PTPRD: variants seen among roughly 807,000 people sequenced by gnomAD.
PTPRD encodes protein tyrosine phosphatase receptor type D, also known as receptor-type tyrosine-protein phosphatase delta.
A neutral mutation model predicts 214.5 loss-of-function variants in PTPRD; 34 were observed. The ratio of observed to expected loss-of-function variants is 0.16; its 90% CI spans 0.12 to 0.21. The LOEUF (loss-of-function observed/expected upper bound fraction) is 0.21. Ranked by LOEUF, PTPRD falls within the 10% of genes least tolerant of loss-of-function variation. The pLI is 1.00. For missense variants in PTPRD, 2,545 were observed against 2,398.7 expected (o/e 1.06, Z -1.27); for synonymous variants, 1,128 against 845.7 (o/e 1.33, Z -5.79).
At chr9:9,958,550 A>T (rs1197107290) in intron 4 of PTPRD, among the ~76,000 whole-genome samples, 1 of 152,164 alleles carries the variant, frequency 6.6e-6, no homozygotes, top group East Asian at 1.9e-4. Flanking sequence ...CAACAACAGC[A>T]ACAAAACAAA....
At chr9:8,911,415 T>TGTGTTGTGTGTGTGTGTG (rs1555510111) in intron 11 of PTPRD, among the ~76,000 whole-genome samples, 15 of 127,726 alleles carry the variant, frequency 1.2e-4, no homozygotes, top group Admixed American at 7.8e-4. Context: ...TGTGTGTGTG[T>TGTGTTGTGTGTGTGTGTG]TGTGTGTGTG....
chr9:9,459,612 A>G, intron 8 of PTPRD, among the ~76,000 whole-genome samples: 1 of 152,128 alleles, frequency 6.6e-6, no homozygotes, highest in East Asian at 1.9e-4. Context: ...AACAGCCACA[A>G]AAATACCTAG....
At chr9:8,961,353 A>G (rs575791993) in intron 11 of PTPRD, among the ~76,000 whole-genome samples, 5 of 152,276 alleles carry the variant, frequency 3.3e-5, no homozygotes, top group African/African-American at 1.2e-4. Context: ...GAGGTCTTAC[A>G]TTCTTTCCCC....
intron 7 of PTPRD, among the ~76,000 whole-genome samples, chr9:9,583,478 A>T (rs1485762652): frequency 2.6e-5 from 4 of 152,086 alleles, no homozygotes; most frequent in East Asian, 3.9e-4. Flanking sequence ...CATGAATGAC[A>T]TTGTCATAAT....
intron 2 of PTPRD, among the ~76,000 whole-genome samples, chr9:10,425,083 T>C (rs2098599979): frequency 6.6e-6 from 1 of 152,028 alleles, no homozygotes; most frequent in African/African-American, 2.4e-5. Flanking sequence ...TTCAGAACAA[T>C]ATAAAAAGAA....
chr9:9,305,782 G>A (rs1956943874), intron 9 of PTPRD, among the ~76,000 whole-genome samples: 1 of 152,134 alleles, frequency 6.6e-6, no homozygotes, highest in South Asian at 2.1e-4. Flanking sequence ...AAGGCCATGT[G>A]GTTGTCATGT....
chr9:9,552,711 G>C (rs2080602517), intron 8 of PTPRD, among the ~76,000 whole-genome samples: 2 of 152,038 alleles, frequency 1.3e-5, no homozygotes, highest in Non-Finnish European at 2.9e-5. Context: ...TTAGTGACTG[G>C]GAAGACTTTA....
intron 3 of PTPRD, among the ~76,000 whole-genome samples, chr9:10,094,756 T>A (rs1456207810): frequency 6.6e-6 from 1 of 151,392 alleles, no homozygotes; most frequent in East Asian, 1.9e-4. Context: ...AAAATACTGC[T>A]GTGATGACAG....
chr9:9,697,916 G>A (rs896384483), intron 7 of PTPRD, among the ~76,000 whole-genome samples: 1 of 151,930 alleles, frequency 6.6e-6, no homozygotes, highest in Non-Finnish European at 1.5e-5. Flanking sequence ...TCCTCTACTT[G>A]ATCCATTCTG....
At chr9:8,735,762 A>G (rs1045199831) in intron 11 of PTPRD, among the ~76,000 whole-genome samples, 1 of 152,020 alleles carries the variant, frequency 6.6e-6, no homozygotes, top group Admixed American at 6.6e-5. Context: ...ACACAAAAAA[A>G]TTAGCCAGGC....
At position 8,376,730 on chromosome 9, in the gene PTPRD, C is replaced by A; in HGVS notation, c.4387-4G>T. ...GCCAATACTGGTCACACTTCACCTACAAGAAACAAGTGACACATTCAGGGC... is the reference window on the plus strand; with the variant it reads ...GCCAATACTGGTCACACTTCACCTAAAAGAAACAAGTGACACATTCAGGGC... On this transcript the variant is annotated splice_region_variant and splice_polypyrimidine_tract_variant and intron_variant, in intron 37 of 45. Transcript: ENST00000381196. The A allele has an allele frequency of 1.9e-6, 3 of 1,612,578 alleles. No individual in the cohort carries two copies. The highest frequency in any genetic ancestry group is 1.7e-6 in the Non-Finnish European group (2 of 1,179,090).
At chr9:9,979,194 G>C (rs964105896) in intron 4 of PTPRD, among the ~76,000 whole-genome samples, 6 of 151,952 alleles carry the variant, frequency 3.9e-5, no homozygotes, top group African/African-American at 1.4e-4. Context: ...TACAAAGAAA[G>C]AGTGTCAAAA....
At chr9:9,591,377 A>C (rs763979530) in intron 7 of PTPRD, among the ~76,000 whole-genome samples, 6 of 152,014 alleles carry the variant, frequency 3.9e-5, no homozygotes, top group Non-Finnish European at 8.8e-5. Context: ...GATTAAGGCC[A>C]GCAAACTGTG....
chr9:9,115,869 A>G (rs540956469), intron 10 of PTPRD, among the ~76,000 whole-genome samples: 2 of 152,310 alleles, frequency 1.3e-5, no homozygotes, highest in East Asian at 1.9e-4. Flanking sequence ...GTATATACCC[A>G]TCATGGAATA....
chr9:9,113,016 G>A (rs1038779270), intron 10 of PTPRD, among the ~76,000 whole-genome samples: 1 of 150,354 alleles, frequency 6.7e-6, no homozygotes, highest in Non-Finnish European at 1.5e-5. Context: ...CTAGGCTTCA[G>A]TGCAGGGGCT....
At chr9:9,200,639 G>A (rs759467780) in intron 9 of PTPRD, among the ~76,000 whole-genome samples, 4 of 152,116 alleles carry the variant, frequency 2.6e-5, no homozygotes, top group Non-Finnish European at 5.9e-5. Context: ...TTTTCATTAC[G>A]CCACTCAGCA....
Position 8,315,990 on chromosome 9 carries a change from C to G in PTPRD, c.*1884G>C. ...TTTTAGAAAAATCCTAATGGAATAT[C>G]AAATATATTCCAAAGTTGCCAATGA... On this transcript the variant is annotated 3_prime_UTR_variant, in exon 46 of 46. Coordinates refer to ENST00000381196, the MANE Select transcript of PTPRD (RefSeq NM_002839.4). 4.4e-6 allele frequency: 1 copy of G among 227,312 alleles called. No individual in the cohort carries two copies. Among genetic ancestry groups the G allele is most frequent in the East Asian group, 6.4e-5 (1 of 15,702 alleles). The allele number at this position is 227,312 out of a possible 1,614,324, so 14.1% of individuals were successfully genotyped here.
chr9:9,799,201 A>G (rs10977992), intron 5 of PTPRD, among the ~76,000 whole-genome samples: 2,322 of 152,306 alleles, frequency 0.015, 31 homozygotes, highest in Middle Eastern at 0.044. Context: ...AGTCAGGTTG[A>G]AGAGCACATT....
intron 30 of PTPRD, among the ~76,000 whole-genome samples, chr9:8,478,088 T>A (rs1368286271): frequency 6.6e-6 from 1 of 152,228 alleles, no homozygotes; most frequent in Non-Finnish European, 1.5e-5. Flanking sequence ...ATTAGCTGTA[T>A]GATCTTGGCC....
Sources: allele counts gnomAD v4.1 joint callset (sites outside exome capture counted in the v4.1 genomes callset), GRCh38; gene constraint gnomAD v4.1.1; transcripts MANE v1.5; gene names NCBI Gene and HGNC (gene_info 2026-07-23, HGNC 2026-07-21).